MIPOL1: variants seen among roughly 807,000 people sequenced by gnomAD.
The protein encoded by MIPOL1 is mirror-image polydactyly 1.
In MIPOL1, 57 loss-of-function variants were observed where a neutral mutation model predicts 60.9. The observed-to-expected ratio is 0.94, with a 90% confidence interval of 0.76 to 1.17. The LOEUF is 1.17. Among genes scored for constraint, MIPOL1 ranks in the 50% most tolerant of loss-of-function variants. The pLI is 0.00. For synonymous variants in MIPOL1, 179 were observed against 168.8 expected, an observed-to-expected ratio of 1.06 and a Z score of -0.47; for missense variants, 551 against 511.6, an observed-to-expected ratio of 1.08 and a Z score of -0.74.
At chr14:37,328,859 C>G (rs2029862880) in intron 9 of MIPOL1, among the ~76,000 whole-genome samples, 1 of 152,110 alleles carries the variant, frequency 6.6e-6, no homozygotes, top group Non-Finnish European at 1.5e-5. Context: ...TGCTCAGTTA[C>G]AGAGGGTTCA....
intron 10 of MIPOL1, among the ~76,000 whole-genome samples, chr14:37,396,448 C>A (rs911601919): frequency 6.6e-6 from 1 of 151,942 alleles, no homozygotes; most frequent in African/African-American, 2.4e-5. Context: ...GATGACAATG[C>A]GCCTAGGTGA....
At position 37,274,367 on chromosome 14, in the gene MIPOL1, A is replaced by T. The variant is rs78912029; in HGVS notation, c.493+3842A>T. ...ATCATGTTAAAATCTCTGATGGTTG[A>T]CTACCTTTCTTTTCCTTTCTCACAT... is the stretch of plus-strand genomic sequence containing the variant. On this transcript the variant is annotated intron_variant, in intron 6 of 12. Transcript: ENST00000684589. Among the ~76,000 whole-genome samples, 204 of 151,476 alleles carry T rather than the reference A, an allele frequency of 1.3e-3. 1 individual carries two copies. Among genetic ancestry groups the T allele is most frequent in the South Asian group, 2.5e-3 (12 of 4,830 alleles).
chr14:37,356,166 G>T (rs913998207), intron 9 of MIPOL1, among the ~76,000 whole-genome samples: 2 of 151,720 alleles, frequency 1.3e-5, no homozygotes, highest in African/African-American at 4.8e-5. Context: ...ATACCCTGCT[G>T]TGTGAGGTGT....
intron 7 of MIPOL1, among the ~76,000 whole-genome samples, chr14:37,298,963 A>T (rs981054156): frequency 1.1e-4 from 17 of 151,200 alleles, no homozygotes; most frequent in Admixed American, 2.6e-4. Flanking sequence ...TACCCAAAGG[A>T]CTATAAATCA....
At chr14:37,386,961 T>A (rs1181633532) in intron 10 of MIPOL1, among the ~76,000 whole-genome samples, 1 of 151,958 alleles carries the variant, frequency 6.6e-6, no homozygotes, top group Non-Finnish European at 1.5e-5. Context: ...CAGAGCCAAT[T>A]GATAATATGG....
chr14:37,297,942 C>T (rs556355563), intron 7 of MIPOL1, among the ~76,000 whole-genome samples: 2 of 151,838 alleles, frequency 1.3e-5, no homozygotes, highest in East Asian at 1.9e-4. Context: ...CTTCACAGAA[C>T]TGGAAAAAAC....
chr14:37,513,744 A>G (rs1020542900), intron 12 of MIPOL1, among the ~76,000 whole-genome samples: 1 of 152,220 alleles, frequency 6.6e-6, no homozygotes, highest in African/African-American at 2.4e-5. Flanking sequence ...AGATTACAAC[A>G]TGGCTTTTTG....
chr14:37,456,120 C>CT (rs1189730153), intron 11 of MIPOL1, among the ~76,000 whole-genome samples: 1 of 151,484 alleles, frequency 6.6e-6, no homozygotes, highest in African/African-American at 2.4e-5. Context: ...ATATTGGTAA[C>CT]TTTTTTGTGA....
intron 11 of MIPOL1, among the ~76,000 whole-genome samples, chr14:37,452,066 C>T (rs1413895989): frequency 2.6e-5 from 4 of 151,876 alleles, no homozygotes; most frequent in African/African-American, 2.4e-5. Context: ...CCGCCCGCCT[C>T]GGCCTCCCAA....
At chr14:37,528,805 T>C (rs763568036) in intron 12 of MIPOL1, among the ~76,000 whole-genome samples, 5 of 152,154 alleles carry the variant, frequency 3.3e-5, no homozygotes, top group Non-Finnish European at 7.4e-5. Flanking sequence ...AAGAATGATG[T>C]GAAGCTGAAA....
intron 6 of MIPOL1, among the ~76,000 whole-genome samples, chr14:37,282,301 G>A (rs180752408): frequency 6.2e-4 from 94 of 150,998 alleles, no homozygotes; most frequent in Non-Finnish European, 1.1e-3. Context: ...TCGTGCAATG[G>A]CGTGATATCG....
chr14:37,397,421 G>A (rs1566519723), intron 10 of MIPOL1, among the ~76,000 whole-genome samples: 1 of 152,118 alleles, frequency 6.6e-6, no homozygotes, highest in African/African-American at 2.4e-5. Flanking sequence ...CTCTGTGAGG[G>A]TTTTTAGCTT....
intron 7 of MIPOL1, among the ~76,000 whole-genome samples, chr14:37,304,396 C>T (rs2086607059): frequency 6.6e-6 from 1 of 151,768 alleles, no homozygotes; most frequent in Admixed American, 6.6e-5. Flanking sequence ...AAATTACCTA[C>T]ATATACATAC....
chr14:37,231,103 T>C (rs1443718261), intron 1 of MIPOL1, among the ~76,000 whole-genome samples: 1 of 152,070 alleles, frequency 6.6e-6, no homozygotes, highest in East Asian at 1.9e-4. Flanking sequence ...GTATTATTAT[T>C]ATTATTTTTG....
At chr14:37,364,403 A>G (rs551780450) in intron 9 of MIPOL1, among the ~76,000 whole-genome samples, 1 of 152,178 alleles carries the variant, frequency 6.6e-6, no homozygotes, top group Non-Finnish European at 1.5e-5. Flanking sequence ...TGATTTTTGT[A>G]TATGGCAAGG....
chr14:37,407,150 TA>T (rs1325047967), intron 10 of MIPOL1, among the ~76,000 whole-genome samples: 1 of 152,164 alleles, frequency 6.6e-6, no homozygotes. Flanking sequence ...TAAATGATAG[TA>T]AATGGACAAG....
intron 10 of MIPOL1, among the ~76,000 whole-genome samples, chr14:37,420,103 A>G (rs1197086939): frequency 6.6e-6 from 1 of 152,062 alleles, no homozygotes; most frequent in Non-Finnish European, 1.5e-5. Flanking sequence ...TTTGAAAAAA[A>G]AAAAAGCAAG....
chr14:37,406,125 G>A (rs1249652721), intron 10 of MIPOL1, among the ~76,000 whole-genome samples: 1 of 151,964 alleles, frequency 6.6e-6, no homozygotes, highest in Non-Finnish European at 1.5e-5. Context: ...GCTTATTTGA[G>A]TATCCAGCAA....
intron 10 of MIPOL1, among the ~76,000 whole-genome samples, chr14:37,371,979 TG>T (rs1448800332): frequency 2.6e-5 from 4 of 152,176 alleles, no homozygotes; most frequent in African/African-American, 9.6e-5. Flanking sequence ...TTTGGTTAAC[TG>T]ATTTAATATT....
Sources: gnomAD v4.1 joint callset for allele counts (sites outside exome capture counted in the v4.1 genomes callset) on GRCh38, gnomAD v4.1.1 for gene constraint, MANE v1.5 for transcripts, NCBI Gene and HGNC (gene_info 2026-07-23, HGNC 2026-07-21) for gene names.